Variants in ROBO1 observed in about 807,000 individuals in gnomAD.
ROBO1 encodes the protein roundabout homolog 1.
In ROBO1, 149 loss-of-function variants were observed where a neutral mutation model predicts 195.9. The ratio of observed to expected loss-of-function variants is 0.76; its 90% confidence interval spans 0.67 to 0.87. The LOEUF (loss-of-function observed/expected upper bound fraction) is 0.87, where lower values mean the gene tolerates loss of function less well. ROBO1 is among the 40% of genes least tolerant of loss of function. ROBO1 has a pLI of 0.00. For missense variants in ROBO1, 1,933 were observed against 2,068.3 expected (o/e 0.93, Z 1.27); for synonymous variants, 816 against 733.2 (o/e 1.11, Z -1.82).
chr3:79,735,895 AAAC>A (rs1181855759), intron 1 of ROBO1, among the ~76,000 whole-genome samples: 1 of 151,948 alleles, frequency 6.6e-6, no homozygotes, highest in Non-Finnish European at 1.5e-5. Context: ...AACAAAAAAA[AAAC>A]AAAAAATGCC....
intron 2 of ROBO1, among the ~76,000 whole-genome samples, chr3:79,508,613 C>T (rs1940537053): frequency 6.6e-6 from 1 of 152,040 alleles, no homozygotes; most frequent in Admixed American, 6.6e-5. Context: ...CTTTTCATTC[C>T]CCCAAAAAGG....
intron 3 of ROBO1, among the ~76,000 whole-genome samples, chr3:79,029,136 G>A (rs186971358): frequency 1.7e-4 from 26 of 152,100 alleles, no homozygotes; most frequent in African/African-American, 6.3e-4. Context: ...TCTGTGTAAT[G>A]TGCATCATAG....
rs1469843491 is a variant in ROBO1 at position 79,179,274 on chromosome 3, CCATTTAAAAA to C, written c.89-53745_89-53736del. ...TTTAGTCTACTGCACATGAGAAGCT[CCATTTAAAAA>C]TAAAAGGAATTCCTTAATTAAAAAA... On this transcript the variant is annotated intron_variant, in intron 2 of 30. Coordinates refer to ENST00000464233, the MANE Select transcript of ROBO1 (RefSeq NM_002941.4). 3.9e-5 allele frequency among the ~76,000 whole-genome samples: 6 copies of C among 151,976 alleles called. No individual in the cohort carries two copies. The East Asian group carries it at 7.7e-4, about 19-fold the overall frequency.
chr3:78,764,404 A>T (rs1000334631), intron 4 of ROBO1, among the ~76,000 whole-genome samples: 1 of 152,186 alleles, frequency 6.6e-6, no homozygotes. Context: ...ACTTGAACAG[A>T]TTCCAAAGAA....
intron 29 of ROBO1, 102 bp from the exon 30 acceptor site, chr3:78,600,411 A>C: frequency 1.3e-6 from 1 of 765,036 alleles, no homozygotes; most frequent in Non-Finnish European, 2.2e-6. Context: ...AGGAAGCATC[A>C]GTGATTTAAG....
intron 22 of ROBO1, among the ~76,000 whole-genome samples, chr3:78,636,961 A>ATATATATATATATG (rs1201966541): frequency 7.6e-6 from 1 of 132,030 alleles, no homozygotes; most frequent in East Asian, 2.2e-4. Flanking sequence ...ATATATATAT[A>ATATATATATATATG]TATATATATA....
intron 3 of ROBO1, among the ~76,000 whole-genome samples, chr3:78,945,594 C>T (rs1000294201): frequency 2.6e-5 from 4 of 152,128 alleles, no homozygotes; most frequent in Non-Finnish European, 1.5e-5. Flanking sequence ...AAACTGGAAA[C>T]TCTAAAAATC....
chr3:79,089,203 G>A (rs1463560861), intron 3 of ROBO1, among the ~76,000 whole-genome samples: 1 of 151,940 alleles, frequency 6.6e-6, no homozygotes, highest in Non-Finnish European at 1.5e-5. Flanking sequence ...TATACCTCAG[G>A]TTATTCATAT....
chr3:78,680,723 C>A (rs9754567), intron 10 of ROBO1, among the ~76,000 whole-genome samples: 24,090 of 122,350 alleles, frequency 0.2, 2,650 homozygotes, highest in African/African-American at 0.26. Flanking sequence ...GAACACTTTT[C>A]CACTGTTGGT....
At chr3:79,417,818 G>T (rs368939683) in intron 2 of ROBO1, among the ~76,000 whole-genome samples, 8 of 152,094 alleles carry the variant, frequency 5.3e-5, no homozygotes, top group African/African-American at 1.7e-4. Context: ...AAGTATTTTT[G>T]TGTGTTTTTA....
chr3:78,647,176 A>G (rs1258297930), intron 20 of ROBO1, among the ~76,000 whole-genome samples: 1 of 152,042 alleles, frequency 6.6e-6, no homozygotes, highest in Non-Finnish European at 1.5e-5. Flanking sequence ...GGGAAAACGA[A>G]AAGTTCTATC....
intron 3 of ROBO1, among the ~76,000 whole-genome samples, chr3:79,020,996 G>T (rs1490426077): frequency 6.6e-6 from 1 of 152,148 alleles, no homozygotes; most frequent in East Asian, 1.9e-4. Context: ...AAAGCAAATT[G>T]TACATTGATT....
chr3:78,789,408 A>G (rs1201807240), intron 4 of ROBO1, among the ~76,000 whole-genome samples: 2 of 152,234 alleles, frequency 1.3e-5, no homozygotes, highest in East Asian at 1.9e-4. Context: ...GGACTTTTCC[A>G]TAATCTCTCA....
At chr3:79,184,134 A>C (rs2081394347) in intron 2 of ROBO1, among the ~76,000 whole-genome samples, 1 of 152,200 alleles carries the variant, frequency 6.6e-6, no homozygotes, top group African/African-American at 2.4e-5. Flanking sequence ...AATAAAAGTA[A>C]AAGTATCGGC....
At chr3:78,859,956 G>T (rs895032887) in intron 4 of ROBO1, among the ~76,000 whole-genome samples, 27 of 152,180 alleles carry the variant, frequency 1.8e-4, no homozygotes, top group African/African-American at 6.0e-4. Context: ...GCGGACGCCT[G>T]TGGTCCCAGC....
At chr3:79,709,732 C>A (rs1474477361) in intron 1 of ROBO1, among the ~76,000 whole-genome samples, 2 of 151,722 alleles carry the variant, frequency 1.3e-5, no homozygotes, top group Non-Finnish European at 2.9e-5. Context: ...ATGTTGAAAC[C>A]GAATCACCAA....
intron 26 of ROBO1, among the ~76,000 whole-genome samples, chr3:78,625,689 A>G (rs1185645976): frequency 6.6e-6 from 1 of 152,236 alleles, no homozygotes; most frequent in African/African-American, 2.4e-5. Context: ...GATTCTCACA[A>G]CAATTTATAA....
At chr3:78,950,096 C>G (rs371214477) in intron 3 of ROBO1, among the ~76,000 whole-genome samples, 4 of 152,026 alleles carry the variant, frequency 2.6e-5, no homozygotes, top group African/African-American at 7.2e-5. Context: ...TGTGGAAGTC[C>G]GTGTGGCGAT....
At chr3:79,632,464 G>A (rs1240342511) in intron 1 of ROBO1, among the ~76,000 whole-genome samples, 2 of 152,020 alleles carry the variant, frequency 1.3e-5, no homozygotes, top group Admixed American at 1.3e-4. Flanking sequence ...CAGACACTGA[G>A]GATTCCAAAA....
Sources: gnomAD v4.1 joint callset for allele counts (sites outside exome capture counted in the v4.1 genomes callset) on GRCh38, gnomAD v4.1.1 for gene constraint, MANE v1.5 for transcripts, NCBI Gene and HGNC (gene_info 2026-07-23, HGNC 2026-07-21) for gene names.